The following ADAM17 variants were observed in gnomAD, a reference collection of about 807,000 sequenced individuals.
ADAM17 encodes the protein ADAM metallopeptidase domain 17, also known as disintegrin and metalloproteinase domain-containing protein 17.
ADAM17 carries 39 observed loss-of-function variants against 96.7 expected under a neutral mutation model. That is an observed-to-expected ratio of 0.40 (90% CI 0.31 to 0.53). ADAM17 has a LOEUF of 0.53. ADAM17 is among the 20% of genes least tolerant of loss of function. The pLI is 0.44. For synonymous variants in ADAM17, 344 were observed against 359.2 expected (o/e 0.96, Z 0.48); for missense variants, 777 against 1,013.2 (o/e 0.77, Z 3.17).
At position 9,494,695 on chromosome 2, in the gene ADAM17, T is replaced by C. The variant is rs1399068872; in HGVS notation, c.1856A>G (p.Gln619Arg). 6.2e-7 allele frequency: 1 copy of C among 1,614,074 alleles called. No homozygotes were observed. The highest frequency in any genetic ancestry group is 1.3e-5 in the African/African-American group (1 of 74,934). The stretch of plus-strand genomic sequence containing the variant: ...TCCTTTCCTCAAAAATAAGTTCTTT[T>C]GTTCAGCATCGACATAGGGCACACA... ...GRCVPYVDAE[Q>R]KNLFLRKGKP... Residue 619 changes from glutamine (Q) to arginine (R), a missense_variant, in exon 15 of 19, where the codon CAA (glutamine) becomes CGA (arginine). Gln to Arg is a conservative substitution (Grantham distance 43). This residue lies in a region of ADAM17 where 446 missense variants were observed against 664.7 expected (regional missense o/e 0.67). Coordinates refer to ENST00000310823, the MANE Select transcript of ADAM17 (RefSeq NM_003183.6).
chr2:9,529,399 T>C (rs935612336), intron 4 of ADAM17, among the ~76,000 whole-genome samples: 1 of 151,938 alleles, frequency 6.6e-6, no homozygotes, highest in Admixed American at 6.6e-5. Context: ...TGCAGTGAGC[T>C]GAGATCATGC....
At chr2:9,495,162 G>A (rs1662477027) in intron 14 of ADAM17, among the ~76,000 whole-genome samples, 1 of 152,216 alleles carries the variant, frequency 6.6e-6, no homozygotes. Flanking sequence ...GGCCCACACT[G>A]GCTCCCTGAA....
chr2:9,533,997 C>A (rs533955289), intron 4 of ADAM17, among the ~76,000 whole-genome samples: 1 of 152,340 alleles, frequency 6.6e-6, no homozygotes, highest in South Asian at 2.1e-4. Flanking sequence ...ATCATCCAGA[C>A]TATTCCAACT....
chr2:9,496,970 C>T (rs1028197017), intron 14 of ADAM17, 144 bp downstream of exon 14: 15 of 1,259,750 alleles, frequency 1.2e-5, no homozygotes, highest in Non-Finnish European at 1.5e-5. Context: ...TCTCCAGACA[C>T]CACCCTGCCC....
Position 9,505,173 on chromosome 2 carries a change from G to A in ADAM17, c.1537C>T (p.Gln513Ter). The change falls in exon 12 of 19, where the codon CAG (glutamine) becomes TAG (stop). Residue 513 changes from glutamine (Q) to a stop codon, truncating the protein, a stop_gained. Coordinates refer to ENST00000310823, the MANE Select transcript of ADAM17 (RefSeq NM_003183.6). LOFTEE classifies it high-confidence loss of function. ...NSDCTLKEGV[Q>*]CSDRNSPCCK... ...TGTGGAGAGACTCCTCACCTGCACTGGACACCTTCCTTCAACGTGCAGTCG... is the reference window on the plus strand; with the variant it reads ...TGTGGAGAGACTCCTCACCTGCACTAGACACCTTCCTTCAACGTGCAGTCG... 6.8e-6 allele frequency: 11 copies of A among 1,614,080 alleles called. No individual in the cohort carries two copies. Among genetic ancestry groups the A allele is most frequent in the Non-Finnish European group, 9.3e-6 (11 of 1,180,030 alleles).
At chr2:9,534,368 C>CA (rs1169778511) in intron 4 of ADAM17, among the ~76,000 whole-genome samples, 7 of 151,250 alleles carry the variant, frequency 4.6e-5, no homozygotes, top group East Asian at 1.9e-4. Context: ...TACTCCATCT[C>CA]AAAAAAAAGA....
chr2:9,528,172 CT>C (rs1664601358), intron 4 of ADAM17, among the ~76,000 whole-genome samples: 2 of 152,188 alleles, frequency 1.3e-5, no homozygotes, highest in Admixed American at 1.3e-4. Flanking sequence ...ATTATTTTAT[CT>C]GTATATAAAT....
chr2:9,535,195 C>T (rs564741206), intron 4 of ADAM17, among the ~76,000 whole-genome samples: 5 of 152,194 alleles, frequency 3.3e-5, no homozygotes, highest in Non-Finnish European at 7.3e-5. Context: ...AGTTTTCCCA[C>T]AGGTGATCTA....
At chr2:9,533,242 A>C (rs934346124) in intron 4 of ADAM17, among the ~76,000 whole-genome samples, 2 of 151,908 alleles carry the variant, frequency 1.3e-5, no homozygotes, top group Non-Finnish European at 2.9e-5. Flanking sequence ...AAAGACACAT[A>C]TTTTGGCTTA....
At position 9,540,386 on chromosome 2, in the gene ADAM17, AT is replaced by A. The variant is rs776220703; in HGVS notation, c.230+2766del. Among the ~76,000 whole-genome samples the A allele has an allele frequency of 7.1e-3, 1,039 of 145,532 alleles. 5 individuals are homozygous for A. Among genetic ancestry groups the A allele is most frequent in the African/African-American group, 0.021 (849 of 40,006 alleles). ...AAGTTACTAAGCTGTCTAAGCCTTA[AT>A]TTTTTTTTTTTTGTTCCTTCAAAAA... On this transcript the variant is annotated intron_variant, in intron 2 of 18. Transcript: ENST00000310823.
chr2:9,516,563 C>T (rs1201016379), intron 10 of ADAM17, among the ~76,000 whole-genome samples: 1 of 151,966 alleles, frequency 6.6e-6, no homozygotes, highest in Non-Finnish European at 1.5e-5. Context: ...CCAGCCTGGC[C>T]AACATGGTGA....
chr2:9,525,458 T>G (rs1664486062), intron 6 of ADAM17, among the ~76,000 whole-genome samples: 1 of 152,160 alleles, frequency 6.6e-6, no homozygotes, highest in Admixed American at 6.5e-5. Context: ...TCTCCATTAT[T>G]CCCTCAGTAA....
intron 12 of ADAM17, among the ~76,000 whole-genome samples, chr2:9,504,391 G>C (rs1368753978): frequency 6.6e-6 from 1 of 152,122 alleles, no homozygotes; most frequent in Non-Finnish European, 1.5e-5. Flanking sequence ...ATTGCAGTGC[G>C]CTGAGATCGC....
At chr2:9,491,652 A>G (rs897165760) in intron 17 of ADAM17, among the ~76,000 whole-genome samples, 2 of 152,160 alleles carry the variant, frequency 1.3e-5, no homozygotes, top group Non-Finnish European at 2.9e-5. Context: ...CTGGGCCTCA[A>G]TCCCTACATC....
chr2:9,505,443 A>G, intron 11 of ADAM17, 78 bp from the exon 12 acceptor site: 1 of 1,421,638 alleles, frequency 7.0e-7, no homozygotes, highest in Non-Finnish European at 9.8e-7. Flanking sequence ...TGTCTTCTCT[A>G]GAGACAAACT....
At position 9,512,219 on chromosome 2, in the gene ADAM17, G is replaced by A. The variant is rs540447065; in HGVS notation, c.1192-2088C>T. On this transcript the variant is annotated intron_variant, in intron 10 of 18. Transcript: ENST00000310823. ...TAATGAAGAGAAATATCTCCTAACT[G>A]CTTGGGGAAAATTCATTAGTGGATT... is the stretch of plus-strand genomic sequence containing the variant. 168 of 151,912 alleles carry A rather than the reference G, an allele frequency of 1.1e-3. 1 individual carries two copies. The highest frequency in any genetic ancestry group is 3.8e-3 in the African/African-American group (156 of 41,402). The allele number at this position is 151,912 out of a possible 1,614,324, so 9.4% of individuals were successfully genotyped here.
chr2:9,541,235 C>T (rs115623565), intron 2 of ADAM17, among the ~76,000 whole-genome samples: 291 of 152,246 alleles, frequency 1.9e-3, no homozygotes, highest in African/African-American at 6.7e-3. Context: ...ATCACCTATA[C>T]ACACACAGAG....
At chr2:9,490,562 A>ATCTTTT in intron 18 of ADAM17, 44 bp from the exon 19 acceptor site, 1 of 1,543,192 alleles carries the variant, frequency 6.5e-7, no homozygotes, top group South Asian at 1.2e-5. Flanking sequence ...ATAAAAGATG[A>ATCTTTT]ATCGGAGGTC....
Position 9,535,938 on chromosome 2 carries a change from AAATT to A in ADAM17, c.362-20_362-17del. 6.8e-7 allele frequency: 1 copy of A among 1,466,778 alleles called. No individual in the cohort carries two copies. The highest frequency in any genetic ancestry group is 2.4e-5 in the East Asian group (1 of 41,754). The allele number at this position is 1,466,778 out of a possible 1,614,324, so 90.9% of individuals were successfully genotyped here. On this transcript the variant is annotated splice_polypyrimidine_tract_variant and intron_variant, in intron 3 of 18. Coordinates refer to ENST00000310823, the MANE Select transcript of ADAM17 (RefSeq NM_003183.6). ...TCAGGCTCACCTTAAGAGAAAAAAA[AAATT>A]ATTATTTAAAAATACTTACATCAAA...
Sources: gnomAD v4.1 joint callset for allele counts (sites outside exome capture counted in the v4.1 genomes callset) on GRCh38, gnomAD v4.1.1 for gene constraint, gnomAD v4.1.1 regional missense constraint, MANE v1.5 for transcripts, NCBI Gene and HGNC (gene_info 2026-07-23, HGNC 2026-07-21) for gene names.